Variants in PPM1A observed in about 807,000 individuals in gnomAD.
PPM1A encodes protein phosphatase, Mg2+/Mn2+ dependent 1A, also known as protein phosphatase 1A.
In PPM1A, 7 loss-of-function variants were observed where a neutral mutation model predicts 35.0. That is an observed-to-expected ratio of 0.20 (90% CI 0.11 to 0.38). The LOEUF is 0.38. Among genes scored for constraint, PPM1A ranks in the 10% least tolerant of loss-of-function variants. The pLI, the probability that PPM1A is intolerant of heterozygous loss-of-function variation, is 1.00. For missense variants in PPM1A, 239 were observed against 467.8 expected (o/e 0.51, Z 4.51); for synonymous variants, 153 against 167.3 (o/e 0.91, Z 0.66).
At chr14:60,291,750 G>GT (rs77512505) in intron 5 of PPM1A, among the ~76,000 whole-genome samples, 4,429 of 128,730 alleles carry the variant, frequency 0.034, 83 homozygotes, top group Non-Finnish European at 0.046. Context: ...CCACTACATG[G>GT]TTTTTTTTTT....
chr14:60,275,578 G>A (rs1241694658), intron 1 of PPM1A, among the ~76,000 whole-genome samples: 2 of 151,956 alleles, frequency 1.3e-5, no homozygotes, highest in Non-Finnish European at 2.9e-5. Context: ...CTTCAAATTC[G>A]TGGGCCCAAG....
chr14:60,257,365 C>T (rs1019583692), intron 1 of PPM1A, among the ~76,000 whole-genome samples: 1 of 152,084 alleles, frequency 6.6e-6, no homozygotes, highest in African/African-American at 2.4e-5. Flanking sequence ...CAATATATGA[C>T]TGTTAAATTT....
At chr14:60,288,777 T>C (rs1298079615) in intron 3 of PPM1A, among the ~76,000 whole-genome samples, 2 of 152,074 alleles carry the variant, frequency 1.3e-5, no homozygotes, top group African/African-American at 4.8e-5. Flanking sequence ...AGAAGCAGAA[T>C]GATGATTTCT....
intron 3 of PPM1A, 57 bp downstream of exon 3, chr14:60,285,798 C>G (rs1886948139): frequency 6.3e-7 from 1 of 1,588,926 alleles, no homozygotes; most frequent in African/African-American, 1.4e-5. Flanking sequence ...TCAACACAAT[C>G]AAACTTTAAC....
chr14:60,267,157 T>C (rs1402550931), intron 1 of PPM1A: 2 of 152,148 alleles, frequency 1.3e-5, no homozygotes, highest in African/African-American at 4.8e-5. Flanking sequence ...TTATGCCTCT[T>C]TTTGTTAGCC....
chr14:60,266,634 A>G (rs1884414735), intron 1 of PPM1A, among the ~76,000 whole-genome samples: 1 of 152,212 alleles, frequency 6.6e-6, no homozygotes, highest in Non-Finnish European at 1.5e-5. Context: ...CTGTTCCCAG[A>G]GAGCTCTTTC....
rs1316986960 is a variant in PPM1A at position 60,298,261 on chromosome 14, T to C, written c.*5779T>C. The stretch of plus-strand genomic sequence containing the variant: ...GCAGATATACTATATTAACAAGTAA[T>C]ACATTTATTTACCTGTCAGATCTCC... On this transcript the variant is annotated 3_prime_UTR_variant, in exon 6 of 6. Transcript: ENST00000395076. 6.6e-6 allele frequency: 1 copy of C among 151,684 alleles called. No homozygotes were observed. Among genetic ancestry groups the C allele is most frequent in the Non-Finnish European group, 1.5e-5 (1 of 67,686 alleles). 9.4% of individuals were successfully genotyped at this position (151,684 alleles called of 1,614,324 possible).
At chr14:60,285,860 G>C in intron 3 of PPM1A, 119 bp downstream of exon 3, 1 of 1,460,340 alleles carries the variant, frequency 6.8e-7, no homozygotes, top group Middle Eastern at 2.4e-4. Context: ...TCTAGTGTAT[G>C]AAAGTGGAAA....
rs781584977 is a variant in PPM1A at position 60,291,383 on chromosome 14, T to A, written c.1062-14T>A. 9.2e-6 allele frequency: 14 copies of A among 1,524,520 alleles called. No homozygotes were observed. Among genetic ancestry groups the A allele is most frequent in the Admixed American group, 1.9e-5 (1 of 52,328 alleles). 94.4% of individuals were successfully genotyped at this position (1,524,520 alleles called of 1,614,324 possible). The stretch of plus-strand genomic sequence containing the variant: ...TTTCTGAAGAATTAATTTTCTGCAT[T>A]TTTTTACACTTAGGAGGAATGTTAT... On this transcript the variant is annotated splice_polypyrimidine_tract_variant and intron_variant, in intron 4 of 5. Transcript: ENST00000395076.
upstream of PPM1A, chr14:60,245,797 G>C (rs8018093): frequency 0.32 from 479,883 of 1,493,580 alleles, 81,022 homozygotes; most frequent in African/African-American, 0.51. This position sits in a 1 kb window ranked among gnomAD's most constrained non-coding sequence, Gnocchi z 4.2. Context: ...CCAGGGTAGG[G>C]GGCACACCCT....
At chr14:60,248,515 G>C (rs1881940702), upstream of PPM1A, 1 of 152,512 alleles carries the variant, frequency 6.6e-6, no homozygotes, top group Non-Finnish European at 1.5e-5. Context: ...TTGTGTCTCT[G>C]CCCTTTGGGT....
intron 1 of PPM1A, among the ~76,000 whole-genome samples, chr14:60,265,820 T>TA (rs1341894519): frequency 1.3e-5 from 2 of 152,180 alleles, no homozygotes; most frequent in Non-Finnish European, 2.9e-5. Context: ...AGGAACTCAC[T>TA]CCTAAGATAA....
rs568406969 is a variant in PPM1A at position 60,289,979 on chromosome 14, A to G, written c.1061+65A>G. On this transcript the variant is annotated intron_variant, in intron 4 of 5. Transcript: ENST00000395076. This position sits in a 1 kb window ranked among gnomAD's most constrained non-coding sequence, Gnocchi z 4.1. ...GTATGAAAATGTTAGGTATTCATTG[A>G]TAAAATGTTTGTTTGCCTAATTTCT... 1 of 1,146,402 alleles carries G rather than the reference A, an allele frequency of 8.7e-7. No homozygotes were observed. The highest frequency in any genetic ancestry group is 1.5e-5 in the South Asian group (1 of 66,216). The allele number at this position is 1,146,402 out of a possible 1,614,324, so 71.0% of individuals were successfully genotyped here. A position where few individuals can be genotyped will look rare whatever the true frequency, so the allele number is the denominator to read the frequency against.
intron 2 of PPM1A, among the ~76,000 whole-genome samples, chr14:60,284,641 CAA>C (rs766936496): frequency 5.1e-5 from 4 of 78,228 alleles, no homozygotes; most frequent in South Asian, 4.4e-4. Flanking sequence ...GACTCCGTCT[CAA>C]AAAAAAAAAA....
upstream of PPM1A, chr14:60,249,121 G>A: frequency 1.5e-6 from 1 of 652,400 alleles, no homozygotes; most frequent in Non-Finnish European, 1.9e-6. The surrounding 1 kb of genome is among the most constrained non-coding windows in gnomAD (Gnocchi z 4.5). Context: ...GCTGCGCGCC[G>A]CGCCGCAGCT....
rs1302710553 is a variant in PPM1A, at chr14:60,249,641, G to C, written c.-57G>C. 2 of 984,146 alleles carry C rather than the reference G, an allele frequency of 2.0e-6. No individual in the cohort carries two copies. The highest frequency in any genetic ancestry group is 3.5e-5 in the African/African-American group (2 of 56,466). The allele number at this position is 984,146 out of a possible 1,614,324, so 61.0% of individuals were successfully genotyped here. On this transcript the variant is annotated 5_prime_UTR_variant, in exon 1 of 6. Coordinates refer to ENST00000395076, the MANE Select transcript of PPM1A (RefSeq NM_021003.5). The surrounding 1 kb of genome is among the most constrained non-coding windows in gnomAD (Gnocchi z 4.5). ...CCCCGGCTGCCGCCGCCGCCGCCTC[G>C]GCCGACCAGGGACCTGCCCGCCTGC...
chr14:60,262,124 T>A (rs1883811989), intron 1 of PPM1A, among the ~76,000 whole-genome samples: 1 of 152,260 alleles, frequency 6.6e-6, no homozygotes, highest in East Asian at 1.9e-4. Flanking sequence ...ATGTGTTATC[T>A]GAATGTTTAT....
chr14:60,285,094 C>T (rs1406343325), intron 2 of PPM1A, among the ~76,000 whole-genome samples: 1 of 152,020 alleles, frequency 6.6e-6, no homozygotes, highest in African/African-American at 2.4e-5. Context: ...GTTTATAAAC[C>T]TTAGGTAGTT....
chr14:60,246,976 C>T (rs1881820149), upstream of PPM1A, among the ~76,000 whole-genome samples: 1 of 152,168 alleles, frequency 6.6e-6, no homozygotes, highest in Admixed American at 6.5e-5. Flanking sequence ...AGGAAGGAAG[C>T]AGAAAGATAG....
Sources: allele counts gnomAD v4.1 joint callset (sites outside exome capture counted in the v4.1 genomes callset), GRCh38; gene constraint gnomAD v4.1.1; non-coding constraint Gnocchi (gnomAD v3.1); transcripts MANE v1.5; gene names NCBI Gene and HGNC (gene_info 2026-07-23, HGNC 2026-07-21).